Variants in MYO1E observed in about 807,000 individuals in gnomAD.
MYO1E encodes myosin IE, also known as unconventional myosin-Ie.
MYO1E carries 68 observed loss-of-function variants against 151.1 expected under a neutral mutation model. That is an observed-to-expected ratio of 0.45 (90% CI 0.37 to 0.55). The LOEUF (loss-of-function observed/expected upper bound fraction) is 0.55, where lower values mean the gene tolerates loss of function less well. MYO1E is among the 20% of genes least tolerant of loss of function. MYO1E has a pLI of 0.00. For missense variants in MYO1E, 1,363 were observed against 1,389.3 expected (o/e 0.98, Z 0.30); for synonymous variants, 601 against 501.7 (o/e 1.20, Z -2.64).
chr15:59,366,013 T>C (rs1158532865), intron 1 of MYO1E, among the ~76,000 whole-genome samples: 1 of 152,176 alleles, frequency 6.6e-6, no homozygotes, highest in Non-Finnish European at 1.5e-5. Context: ...AGTTTCACTC[T>C]TGTTGCCCAG....
chr15:59,205,818 G>A (rs1385151091), intron 14 of MYO1E, among the ~76,000 whole-genome samples: 1 of 152,104 alleles, frequency 6.6e-6, no homozygotes, highest in Admixed American at 6.6e-5. Flanking sequence ...GATCCATAGG[G>A]GTGTCTAAGT....
intron 16 of MYO1E, among the ~76,000 whole-genome samples, chr15:59,200,210 G>T (rs1244599122): frequency 6.6e-6 from 1 of 152,152 alleles, no homozygotes; most frequent in Non-Finnish European, 1.5e-5. Context: ...ACTTGAAAAT[G>T]AGTCATCATA....
intron 1 of MYO1E, among the ~76,000 whole-genome samples, chr15:59,354,956 G>A (rs1201671203): frequency 6.6e-6 from 1 of 152,140 alleles, no homozygotes; most frequent in Non-Finnish European, 1.5e-5. Context: ...TTTATCTGAG[G>A]GGGCTACTTT....
chr15:59,218,203 C>A, intron 9 of MYO1E, 116 bp from the exon 10 acceptor site: 1 of 1,221,934 alleles, frequency 8.2e-7, no homozygotes, highest in Non-Finnish European at 1.2e-6. Flanking sequence ...ATAGAAGGCA[C>A]AATCACGGGC....
intron 9 of MYO1E, among the ~76,000 whole-genome samples, chr15:59,221,449 G>C (rs1049833192): frequency 2.6e-5 from 4 of 152,288 alleles, no homozygotes; most frequent in African/African-American, 9.6e-5. Flanking sequence ...AAGAGACTGA[G>C]AATCTTGGTT....
At chr15:59,240,215 T>C (rs1260030325) in intron 4 of MYO1E, among the ~76,000 whole-genome samples, 2 of 152,252 alleles carry the variant, frequency 1.3e-5, no homozygotes, top group African/African-American at 4.8e-5. Flanking sequence ...TCTGACCTGC[T>C]GGATCCCAGT....
intron 2 of MYO1E, among the ~76,000 whole-genome samples, chr15:59,264,543 G>A (rs2080242262): frequency 6.6e-6 from 1 of 152,174 alleles, no homozygotes; most frequent in Non-Finnish European, 1.5e-5. Context: ...CATACTTATA[G>A]TAAAAAGTAA....
rs387906807 is a variant in MYO1E, at chr15:59,231,737, C to T, written c.475G>A (p.Ala159Thr). ...SNPLLEAFGNAKTVRNNNSSR... is the reference protein window; with the variant it reads ...SNPLLEAFGNTKTVRNNNSSR... Reference sequence around the variant, plus strand: ...GAGTTGTTGTTCCGGACGGTCTTGGCGTTCCCGAAGGCCTCCAGCAGCGGG... The same window carrying T: ...GAGTTGTTGTTCCGGACGGTCTTGGTGTTCCCGAAGGCCTCCAGCAGCGGG... Residue 159 changes from alanine (A) to threonine (T), a missense_variant, in exon 6 of 28, where the codon GCC (alanine) becomes ACC (threonine). Coordinates refer to ENST00000288235, the MANE Select transcript of MYO1E (RefSeq NM_004998.4). The T allele has an allele frequency of 1.9e-6, 3 of 1,614,122 alleles. No homozygotes were observed. The highest frequency in any genetic ancestry group is 1.6e-4 in the Middle Eastern group (1 of 6,062).
chr15:59,208,868 A>T lies in MYO1E; in HGVS notation c.1363-20T>A. On this transcript the variant is annotated intron_variant, in intron 13 of 27. Coordinates refer to ENST00000288235, the MANE Select transcript of MYO1E (RefSeq NM_004998.4). ...AGGGTTCTGATGGGAGCAAGAAGGCAAGGCCCTAGTCACTGACCTCTCCAA... is the reference window on the plus strand; with the variant it reads ...AGGGTTCTGATGGGAGCAAGAAGGCTAGGCCCTAGTCACTGACCTCTCCAA... 6.2e-7 allele frequency: 1 copy of T among 1,613,896 alleles called. No homozygotes were observed.
chr15:59,332,952 C>G (rs1381410168), intron 1 of MYO1E, among the ~76,000 whole-genome samples: 4 of 152,124 alleles, frequency 2.6e-5, no homozygotes, highest in Non-Finnish European at 5.9e-5. Context: ...GTAGACAAAC[C>G]TAACAGCTCT....
intron 16 of MYO1E, among the ~76,000 whole-genome samples, chr15:59,198,793 T>G: frequency 6.7e-6 from 1 of 150,068 alleles, no homozygotes. Flanking sequence ...CCCTTCAGCC[T>G]GGGTGACACA....
intron 4 of MYO1E, among the ~76,000 whole-genome samples, chr15:59,249,147 G>A (rs2080148706): frequency 6.6e-6 from 1 of 152,194 alleles, no homozygotes; most frequent in Non-Finnish European, 1.5e-5. Flanking sequence ...TTTGTGGCCA[G>A]GCGCGGTGGC....
chr15:59,148,096 C>T (rs11574500), intron 26 of MYO1E, among the ~76,000 whole-genome samples: 15 of 152,084 alleles, frequency 9.9e-5, no homozygotes, highest in African/African-American at 3.6e-4. Flanking sequence ...ACACAAAGCC[C>T]TTATTTAACC....
chr15:59,298,786 T>TG (rs2080466039), intron 1 of MYO1E, among the ~76,000 whole-genome samples: 1 of 152,216 alleles, frequency 6.6e-6, no homozygotes, highest in South Asian at 2.1e-4. Flanking sequence ...TCAAAGAGGT[T>TG]GCCAACATCT....
intron 1 of MYO1E, among the ~76,000 whole-genome samples, chr15:59,296,087 C>A (rs1216562466): frequency 2.0e-5 from 3 of 152,128 alleles, no homozygotes; most frequent in African/African-American, 7.2e-5. Flanking sequence ...GCAATTCCAG[C>A]CTAAAAGCCT....
chr15:59,217,307 C>T (rs1344575467), intron 10 of MYO1E, among the ~76,000 whole-genome samples: 1 of 152,022 alleles, frequency 6.6e-6, no homozygotes, highest in Non-Finnish European at 1.5e-5. Flanking sequence ...ATGAACGTGG[C>T]TCTCCTCTTT....
intron 1 of MYO1E, among the ~76,000 whole-genome samples, chr15:59,326,660 G>C (rs1339774370): frequency 6.6e-6 from 1 of 152,164 alleles, no homozygotes; most frequent in African/African-American, 2.4e-5. Context: ...TCCTAACCAA[G>C]AGATTTACAT....
At chr15:59,237,130 C>A (rs112780435) in intron 4 of MYO1E, among the ~76,000 whole-genome samples, 25 of 152,034 alleles carry the variant, frequency 1.6e-4, no homozygotes, top group African/African-American at 5.8e-4. Context: ...ACTGGAACTA[C>A]CACAAAATAT....
intron 4 of MYO1E, among the ~76,000 whole-genome samples, chr15:59,245,566 T>C (rs2080124809): frequency 6.6e-6 from 1 of 152,192 alleles, no homozygotes; most frequent in Admixed American, 6.5e-5. Flanking sequence ...GTATTGGATA[T>C]ATTTAGGACA....
Sources: allele counts gnomAD v4.1 joint callset (sites outside exome capture counted in the v4.1 genomes callset), GRCh38; gene constraint gnomAD v4.1.1; transcripts MANE v1.5; gene names NCBI Gene and HGNC (gene_info 2026-07-23, HGNC 2026-07-21).